MNS1: variants seen among roughly 807,000 people sequenced by gnomAD.
MNS1 encodes the protein meiosis-specific nuclear structural protein 1.
Under a neutral mutation model 72.0 loss-of-function variants are expected in MNS1, and 63 were observed. The observed-to-expected ratio is 0.87, with a 90% CI of 0.71 to 1.08. The LOEUF (loss-of-function observed/expected upper bound fraction) is 1.08, where lower values mean the gene tolerates loss of function less well. Among genes scored for constraint, MNS1 ranks in the 50% least tolerant of loss-of-function variants. The pLI, the probability that MNS1 is intolerant of heterozygous loss-of-function variation, is 0.00. For missense variants in MNS1, 604 were observed against 562.4 expected, an observed-to-expected ratio of 1.07 and a Z score of -0.75; for synonymous variants, 188 against 172.1, an observed-to-expected ratio of 1.09 and a Z score of -0.72.
At chr15:56,463,304 C>T (rs1199334555) in intron 2 of MNS1, among the ~76,000 whole-genome samples, 1 of 151,964 alleles carries the variant, frequency 6.6e-6, no homozygotes, top group East Asian at 1.9e-4. Context: ...TGAAAGGCAA[C>T]ACAATTGTAC....
In MNS1 at chr15:56,456,403, C is replaced by T. The variant is rs1363068835; in HGVS notation, c.344G>A (p.Arg115Lys). Residue 115 changes from arginine (R) to lysine (K), a missense_variant, in exon 3 of 10, where the codon AGA becomes AAA. Physicochemically the swap from Arg to Lys is conservative, Grantham distance 26 (BLOSUM62 2). Transcript: ENST00000260453. ...LKDEKMRQQV[R>K]ENSIELRELE... ...AGAGAAACCAAGATACCTGTTTTCT[C>T]TTACTTGTTGCCTCATCTTTTCGTC... is the stretch of plus-strand genomic sequence containing the variant. The T allele has an allele frequency of 2.5e-6, 4 of 1,605,296 alleles. No individual in the cohort carries two copies. Among genetic ancestry groups the T allele is most frequent in the Non-Finnish European group, 3.4e-6 (4 of 1,177,878 alleles).
At chr15:56,455,201 T>G (rs940137118) in intron 3 of MNS1, among the ~76,000 whole-genome samples, 1 of 148,792 alleles carries the variant, frequency 6.7e-6, no homozygotes. Context: ...TCTATTTAAT[T>G]CTTGTTTTCA....
intron 7 of MNS1, among the ~76,000 whole-genome samples, chr15:56,436,988 G>A (rs1324399731): frequency 6.6e-6 from 1 of 152,098 alleles, no homozygotes; most frequent in Non-Finnish European, 1.5e-5. Flanking sequence ...AAAAGTCCAG[G>A]ACCAGATGGA....
intron 7 of MNS1, among the ~76,000 whole-genome samples, chr15:56,438,415 T>A (rs1353147294): frequency 1.3e-5 from 2 of 152,046 alleles, no homozygotes; most frequent in Admixed American, 6.5e-5. Context: ...GTTTAATAAA[T>A]GGTGCTGGAA....
At chr15:56,429,366 T>TA (rs1396937518) in intron 9 of MNS1, 173 bp from the exon 10 acceptor site, 1 of 540,062 alleles carries the variant, frequency 1.9e-6, no homozygotes, top group East Asian at 3.4e-5. Context: ...AGACTTTACA[T>TA]ATATATTGAA....
intron 7 of MNS1, among the ~76,000 whole-genome samples, chr15:56,439,793 C>G (rs1308335670): frequency 6.8e-6 from 1 of 147,374 alleles, no homozygotes; most frequent in African/African-American, 2.5e-5. Context: ...CACACACACA[C>G]AAACCTTTAG....
At position 56,434,358 on chromosome 15, in the gene MNS1, ATC is replaced by A; in HGVS notation, c.1047_1048del (p.Glu349AspfsTer6). Reference sequence around the variant, plus strand: ...CATTTGTTCTTCAAAATCTTGCTTCATCTCTTTTTGCTTTCTCAATTTCTTTT... The same window carrying A: ...CATTTGTTCTTCAAAATCTTGCTTCATCTTTTTGCTTTCTCAATTTCTTTT... On this transcript the variant is annotated frameshift_variant, in exon 8 of 10. Transcript: ENST00000260453. LOFTEE classifies it high-confidence loss of function. The A allele has an allele frequency of 1.2e-6, 2 of 1,613,118 alleles. No homozygotes were observed. Among genetic ancestry groups the A allele is most frequent in the Non-Finnish European group, 1.7e-6 (2 of 1,179,662 alleles).
rs1423213983 is a variant in MNS1 at position 56,446,954 on chromosome 15, A to T, written c.354-11T>A. 1.3e-6 allele frequency: 2 copies of T among 1,573,126 alleles called. No homozygotes were observed. Among genetic ancestry groups the T allele is most frequent in the South Asian group, 1.1e-5 (1 of 89,804 alleles). On this transcript the variant is annotated splice_polypyrimidine_tract_variant and intron_variant, in intron 3 of 9. Coordinates refer to ENST00000260453, the MANE Select transcript of MNS1 (RefSeq NM_018365.4). ...TCTCTAAGCTCAATGCTGTTTAAAA[A>T]AACAAAAACAAATTTAAATGTTAGG...
chr15:56,463,836 A>G (rs918594268), intron 2 of MNS1, 190 bp downstream of exon 2: 5 of 584,542 alleles, frequency 8.6e-6, no homozygotes, highest in Non-Finnish European at 1.5e-5. Flanking sequence ...AAGGTATAGC[A>G]GTAGTAGGAT....
At chr15:56,430,319 A>G (rs2050549427) in intron 9 of MNS1, among the ~76,000 whole-genome samples, 1 of 152,062 alleles carries the variant, frequency 6.6e-6, no homozygotes, top group Non-Finnish European at 1.5e-5. Context: ...CAATCTTCCA[A>G]CCTCAGCCTC....
At position 56,443,469 on chromosome 15, in the gene MNS1, G is replaced by T. The variant is rs368744792; in HGVS notation, c.972C>A (p.Tyr324Ter). The T allele has an allele frequency of 3.8e-6, 6 of 1,597,460 alleles. No individual in the cohort carries two copies. In the African/African-American group the frequency reaches 8.1e-5, roughly 22 times the overall value. The change falls in exon 7 of 10, where the codon TAC becomes TAA. Residue 324 changes from tyrosine (Y) to a stop codon, truncating the protein, a stop_gained. Coordinates refer to ENST00000260453, the MANE Select transcript of MNS1 (RefSeq NM_018365.4). LOFTEE classifies it high-confidence loss of function. ...EDLEQVRQEL[Y>*]QEEQAEIYKS... ...TATATATTTCAGCTTGTTCTTCCTG[G>T]TATAATTCTTGTCGCACTTGTTCCA...
rs1199308077 is a variant in MNS1, at chr15:56,464,166, G to T, written c.85C>A (p.Gln29Lys). Residue 29 changes from glutamine to lysine, a missense_variant, in exon 2 of 10, where the codon CAA becomes AAA. Coordinates refer to ENST00000260453, the MANE Select transcript of MNS1 (RefSeq NM_018365.4). The stretch of plus-strand genomic sequence containing the variant: ...TGACTGTTGACGTTTTTTAGAGCTT[G>T]GACATGTAATTTTTTGCAGTAGTTT... Reference protein sequence around the residue: ...DENYCKKLHVQALKNVNSQIR... With the variant: ...DENYCKKLHVKALKNVNSQIR... The T allele has an allele frequency of 6.2e-6, 10 of 1,613,844 alleles. No homozygotes were observed. The highest frequency in any genetic ancestry group is 8.5e-6 in the Non-Finnish European group (10 of 1,179,932).
chr15:56,446,969 T>C, intron 3 of MNS1, 26 bp from the exon 4 acceptor site: 1 of 1,512,050 alleles, frequency 6.6e-7, no homozygotes, highest in East Asian at 2.3e-5. Context: ...AAAACAAATT[T>C]AAATGTTAGG....
chr15:56,443,470 T>C lies in MNS1; in HGVS notation c.971A>G (p.Tyr324Cys), dbSNP rs748666766. The C allele has an allele frequency of 2.7e-5, 43 of 1,598,706 alleles. No homozygotes were observed. The highest frequency in any genetic ancestry group is 3.7e-5 in the Non-Finnish European group (43 of 1,175,808). The change falls in exon 7 of 10, where the codon TAC (tyrosine) becomes TGC (cysteine). Residue 324 changes from tyrosine (Y) to cysteine (C), a missense_variant. Tyr to Cys is a radical substitution (Grantham distance 194, BLOSUM62 -2). Coordinates refer to ENST00000260453, the MANE Select transcript of MNS1 (RefSeq NM_018365.4). ...ATATATTTCAGCTTGTTCTTCCTGG[T>C]ATAATTCTTGTCGCACTTGTTCCAA... ...EDLEQVRQEL[Y>C]QEEQAEIYKS...
chr15:56,444,667 C>G lies in MNS1; in HGVS notation c.463G>C (p.Asp155His). 2 of 1,610,390 alleles carry G rather than the reference C, an allele frequency of 1.2e-6. No individual in the cohort carries two copies. Among genetic ancestry groups the G allele is most frequent in the Admixed American group, 3.4e-5 (2 of 59,578 alleles). Residue 155 changes from aspartate (D) to histidine (H), a missense_variant, in exon 5 of 10, where the codon GAT becomes CAT. Physicochemically the swap from Asp to His is moderately conservative, Grantham distance 81. Coordinates refer to ENST00000260453, the MANE Select transcript of MNS1 (RefSeq NM_018365.4). ...ATCATGGTTTTGGCTATTTCAGCAT[C>G]ACGTTTCTGTTATTAAAACAAAATT... ...DAIKYEQMKR[D>H]AEIAKTMMEE...
intron 7 of MNS1, among the ~76,000 whole-genome samples, chr15:56,436,085 T>C (rs1230472112): frequency 6.6e-6 from 1 of 152,128 alleles, no homozygotes. Flanking sequence ...GGAATTGAAC[T>C]CAGTTCTGCA....
chr15:56,429,807 A>G (rs529486155), intron 9 of MNS1: 1 of 152,338 alleles, frequency 6.6e-6, no homozygotes, highest in East Asian at 1.9e-4. Context: ...GTCATTTGGC[A>G]CCATTAGGAC....
At chr15:56,455,251 A>G (rs1180969581) in intron 3 of MNS1, among the ~76,000 whole-genome samples, 1 of 132,536 alleles carries the variant, frequency 7.5e-6, no homozygotes, top group African/African-American at 3.5e-5. Context: ...TCAGGTGAAA[A>G]AAAAAAAAAA....
chr15:56,430,948 G>T (rs2050574140), intron 9 of MNS1, among the ~76,000 whole-genome samples: 1 of 152,110 alleles, frequency 6.6e-6, no homozygotes, highest in African/African-American at 2.4e-5. Flanking sequence ...ATCACCTGAG[G>T]CCAAGAGTTC....
Sources: allele counts gnomAD v4.1 joint callset (sites outside exome capture counted in the v4.1 genomes callset), GRCh38; gene constraint gnomAD v4.1.1; transcripts MANE v1.5; gene names NCBI Gene and HGNC (gene_info 2026-07-23, HGNC 2026-07-21).